The following VIT variants were observed in gnomAD, a reference collection of about 807,000 sequenced individuals.
The protein encoded by VIT is vitrin.
Under a neutral mutation model 78.0 loss-of-function variants are expected in VIT, and 99 were observed. The observed-to-expected ratio is 1.27, with a 90% confidence interval of 1.08 to 1.50. The LOEUF (loss-of-function observed/expected upper bound fraction) is 1.50, where lower values mean the gene tolerates loss of function less well. Among genes scored for constraint, VIT ranks in the 40% most tolerant of loss-of-function variants. The pLI is 0.00. For synonymous variants in VIT, 374 were observed against 334.3 expected, an observed-to-expected ratio of 1.12 and a Z score of -1.29; for missense variants, 1,126 against 875.3, an observed-to-expected ratio of 1.29 and a Z score of -3.61.
intron 7 of VIT, among the ~76,000 whole-genome samples, chr2:36,771,696 C>T (rs561861321): frequency 5.3e-5 from 8 of 152,206 alleles, no homozygotes; most frequent in African/African-American, 9.6e-5. Flanking sequence ...ATTCACACTT[C>T]CAGGAATATA....
Position 36,696,755 on chromosome 2 carries a change from G to T in VIT, c.-237G>T, listed in dbSNP as rs6544026. ...GCATGTGTGTGTGTGTATGTGTGTG[G>T]GGGGGGGTGTAAAATGTGTTTTTCA... On this transcript the variant is annotated 5_prime_UTR_variant, in exon 1 of 16. Coordinates refer to ENST00000379242, the MANE Select transcript of VIT (RefSeq NM_053276.4). The T allele has an allele frequency of 0.98, 149,306 of 152,020 alleles. 73,371 individuals carry two copies. The highest frequency in any genetic ancestry group is 1 in the Middle Eastern group (294 of 294). The allele number at this position is 152,020 out of a possible 1,614,324, so 9.4% of individuals were successfully genotyped here.
chr2:36,795,099 A>G (rs990279052), intron 12 of VIT, among the ~76,000 whole-genome samples: 6 of 152,190 alleles, frequency 3.9e-5, no homozygotes, highest in Non-Finnish European at 8.8e-5. Flanking sequence ...GCTAAGTACT[A>G]GGGATTGGAA....
chr2:36,712,412 G>A (rs1448069817), intron 1 of VIT, among the ~76,000 whole-genome samples: 16 of 152,186 alleles, frequency 1.1e-4, no homozygotes, highest in Non-Finnish European at 8.8e-5. Flanking sequence ...TAAAGTTGGA[G>A]GACAGATTTG....
chr2:36,735,576 G>C (rs906779014), intron 3 of VIT, among the ~76,000 whole-genome samples: 2 of 152,216 alleles, frequency 1.3e-5, no homozygotes, highest in Admixed American at 1.3e-4. Flanking sequence ...TAACCCCACT[G>C]TTTCCTGGAT....
intron 1 of VIT, among the ~76,000 whole-genome samples, chr2:36,707,464 C>A: frequency 6.6e-6 from 1 of 152,208 alleles, no homozygotes; most frequent in South Asian, 2.1e-4. Context: ...CAGGACACAG[C>A]CCACCTGGAC....
rs566080680 is a variant in VIT at position 36,699,529 on chromosome 2, T to TATATATATAC, written c.-19+2557_-19+2558insTATATATACA. Among the ~76,000 whole-genome samples the TATATATATAC allele has an allele frequency of 1.8e-3, 276 of 151,660 alleles. 3 individuals are homozygous for TATATATATAC. In the East Asian group the frequency reaches 0.026, roughly 14 times the overall value. ...AATTAGAGGGGGTTATATATATATATACACACACATATATATAGATGTCTC... is the reference window on the plus strand; with the variant it reads ...AATTAGAGGGGGTTATATATATATATATATATATACACACACACATATATATAGATGTCTC... On this transcript the variant is annotated intron_variant, in intron 1 of 15. Coordinates refer to ENST00000379242, the MANE Select transcript of VIT (RefSeq NM_053276.4).
chr2:36,766,795 T>C (rs575931594), intron 6 of VIT, among the ~76,000 whole-genome samples: 87 of 152,342 alleles, frequency 5.7e-4, no homozygotes, highest in Non-Finnish European at 1.1e-3. Flanking sequence ...TTGCTAGTGG[T>C]GCCAGGCAAA....
intron 9 of VIT, among the ~76,000 whole-genome samples, chr2:36,777,344 A>C (rs971270285): frequency 6.6e-6 from 1 of 151,932 alleles, no homozygotes; most frequent in Non-Finnish European, 1.5e-5. Flanking sequence ...GCTAGACTTC[A>C]TGTCTTTTTT....
At chr2:36,727,670 C>G (rs1221483660) in intron 2 of VIT, among the ~76,000 whole-genome samples, 1 of 152,212 alleles carries the variant, frequency 6.6e-6, no homozygotes, top group Non-Finnish European at 1.5e-5. Flanking sequence ...AATCTTAATA[C>G]AGTCATCCAC....
At chr2:36,796,113 A>T (rs1465872763) in intron 12 of VIT, among the ~76,000 whole-genome samples, 8 of 11,556 alleles carry the variant, frequency 6.9e-4, no homozygotes, top group African/African-American at 2.6e-3. Flanking sequence ...GACTGATTAA[A>T]AAAAAAAAAA....
At chr2:36,784,229 T>C (rs753311613) in intron 11 of VIT, among the ~76,000 whole-genome samples, 1 of 152,216 alleles carries the variant, frequency 6.6e-6, no homozygotes, top group Non-Finnish European at 1.5e-5. Flanking sequence ...CATATTCCGC[T>C]AGAAAGTCAC....
intron 11 of VIT, among the ~76,000 whole-genome samples, chr2:36,785,951 A>T (rs2148630093): frequency 6.6e-6 from 1 of 152,358 alleles, no homozygotes; most frequent in Non-Finnish European, 1.5e-5. Flanking sequence ...ACAATTTTTT[A>T]AAACCAGCAA....
intron 1 of VIT, among the ~76,000 whole-genome samples, chr2:36,698,877 G>C (rs1459810394): frequency 2.6e-5 from 4 of 152,004 alleles, no homozygotes; most frequent in Non-Finnish European, 4.4e-5. Context: ...CTGGGAGGCA[G>C]AGGTTGCAGT....
chr2:36,727,089 A>G (rs952496637), intron 2 of VIT, among the ~76,000 whole-genome samples: 21 of 152,132 alleles, frequency 1.4e-4, no homozygotes, highest in African/African-American at 5.1e-4. Flanking sequence ...AAGCTCAACT[A>G]TCTGCAGTTG....
At chr2:36,792,614 C>A (rs1304956794) in intron 12 of VIT, among the ~76,000 whole-genome samples, 1 of 152,186 alleles carries the variant, frequency 6.6e-6, no homozygotes, top group Non-Finnish European at 1.5e-5. Context: ...CCAGACCAAA[C>A]TTCACATCAG....
chr2:36,805,277 C>A (rs1162874198), intron 13 of VIT, among the ~76,000 whole-genome samples, 161 bp from the exon 14 acceptor site: 1 of 142,428 alleles, frequency 7.0e-6, no homozygotes, highest in Non-Finnish European at 1.5e-5. Context: ...TCATTCCAGC[C>A]TGGGCAACAG....
At chr2:36,717,156 T>C (rs985802012) in intron 2 of VIT, among the ~76,000 whole-genome samples, 2 of 150,578 alleles carry the variant, frequency 1.3e-5, no homozygotes, top group African/African-American at 4.9e-5. Flanking sequence ...ATTACAGGCG[T>C]GAGCCACCAC....
intron 2 of VIT, 58 bp from the exon 3 acceptor site, chr2:36,729,368 G>C: frequency 6.8e-7 from 1 of 1,464,588 alleles, no homozygotes; most frequent in East Asian, 2.5e-5. Context: ...TGAGTCAAAA[G>C]AGAAAGAATT....
chr2:36,702,707 G>A (rs1490645423), intron 1 of VIT, among the ~76,000 whole-genome samples: 1 of 152,138 alleles, frequency 6.6e-6, no homozygotes, highest in African/African-American at 2.4e-5. Context: ...CTCACTAGTT[G>A]GTACTGTTGT....
Sources: gnomAD v4.1 joint callset for allele counts (sites outside exome capture counted in the v4.1 genomes callset) on GRCh38, gnomAD v4.1.1 for gene constraint, MANE v1.5 for transcripts, NCBI Gene and HGNC (gene_info 2026-07-23, HGNC 2026-07-21) for gene names.